PSEN1: variants seen among roughly 807,000 people sequenced by gnomAD.
PSEN1 encodes the protein presenilin 1, also known as presenilin-1.
In PSEN1, 15 loss-of-function variants were observed where a neutral mutation model predicts 53.5. The observed-to-expected ratio is 0.28, with a 90% CI of 0.19 to 0.43. PSEN1 has a LOEUF of 0.43. Ranked by LOEUF, PSEN1 falls within the 20% of genes least tolerant of loss-of-function variation. The pLI is 1.00. For synonymous variants in PSEN1, 208 were observed against 209.8 expected (o/e 0.99, Z 0.08); for missense variants, 387 against 571.2 (o/e 0.68, Z 3.29).
At chr14:73,203,982 A>T (rs1364430638) in intron 8 of PSEN1, among the ~76,000 whole-genome samples, 1 of 152,040 alleles carries the variant, frequency 6.6e-6, no homozygotes, top group African/African-American at 2.4e-5. Flanking sequence ...TAAAAAACAT[A>T]TTTTTTTGTA....
chr14:73,140,696 C>A (rs1374797708), intron 1 of PSEN1, among the ~76,000 whole-genome samples: 1 of 152,004 alleles, frequency 6.6e-6, no homozygotes, highest in South Asian at 2.1e-4. Flanking sequence ...TTTACAAAAT[C>A]CAAAAAAATC....
intron 9 of PSEN1, among the ~76,000 whole-genome samples, chr14:73,208,008 C>T (rs1392163592): frequency 1.3e-5 from 2 of 152,220 alleles, no homozygotes; most frequent in African/African-American, 4.8e-5. Context: ...GAAAGAATTG[C>T]CACAAGCCTG....
chr14:73,215,153 G>A (rs998392972), intron 10 of PSEN1, among the ~76,000 whole-genome samples: 5 of 151,740 alleles, frequency 3.3e-5, no homozygotes, highest in African/African-American at 1.2e-4. Flanking sequence ...TAGAGACAAG[G>A]TTTCACCATG....
intron 8 of PSEN1, among the ~76,000 whole-genome samples, chr14:73,198,512 G>A (rs929837585): frequency 2.4e-4 from 37 of 152,302 alleles, no homozygotes; most frequent in African/African-American, 7.7e-4. Flanking sequence ...GAGCAGAGCC[G>A]TGCCTTTGTA....
chr14:73,217,863 A>G (rs900534894), intron 11 of PSEN1, among the ~76,000 whole-genome samples: 1 of 141,648 alleles, frequency 7.1e-6, no homozygotes, highest in Admixed American at 7.6e-5. Flanking sequence ...ATCTCGGCTC[A>G]TTGCAACCTC....
At chr14:73,215,796 A>G (rs911054070) in intron 10 of PSEN1, among the ~76,000 whole-genome samples, 2 of 152,232 alleles carry the variant, frequency 1.3e-5, no homozygotes, top group Admixed American at 1.3e-4. Context: ...GGCTAACAAT[A>G]CCAAGAGCTG....
Position 73,136,518 on chromosome 14 carries a change from A to C in PSEN1, c.-201A>C, listed in dbSNP as rs1896745950. The C allele has an allele frequency of 6.5e-6, 1 of 153,102 alleles. No homozygotes were observed. Among genetic ancestry groups the C allele is most frequent in the Middle Eastern group, 3.4e-3 (1 of 294 alleles). The allele number at this position is 153,102 out of a possible 1,614,324, so 9.5% of individuals were successfully genotyped here. A position where few individuals can be genotyped will look rare whatever the true frequency, so the allele number is the denominator to read the frequency against. ...CGCGGTTTCACATCGGAAACAAAACAGCGGCTGGTCTGGAAGGAACCTGAG... is the reference window on the plus strand; with the variant it reads ...CGCGGTTTCACATCGGAAACAAAACCGCGGCTGGTCTGGAAGGAACCTGAG... On this transcript the variant is annotated 5_prime_UTR_variant, in exon 1 of 12. Coordinates refer to ENST00000324501, the MANE Select transcript of PSEN1 (RefSeq NM_000021.4).
At position 73,202,085 on chromosome 14, in the gene PSEN1, C is replaced by T. The variant is rs879310036; in HGVS notation, c.868+3956C>T. Among the ~76,000 whole-genome samples the T allele has an allele frequency of 5.9e-5, 9 of 151,966 alleles. No individual in the cohort carries two copies. The East Asian group carries it at 1.7e-3, about 29-fold the overall frequency. ...TTTTGAGGTAAGTCTTGCTCTGTTGCCCAGGCTGGAGTGCAGTGGCGCAAT... is the reference window on the plus strand; with the variant it reads ...TTTTGAGGTAAGTCTTGCTCTGTTGTCCAGGCTGGAGTGCAGTGGCGCAAT... On this transcript the variant is annotated intron_variant, in intron 8 of 11. Coordinates refer to ENST00000324501, the MANE Select transcript of PSEN1 (RefSeq NM_000021.4).
chr14:73,209,386 A>T (rs911229522), intron 9 of PSEN1, among the ~76,000 whole-genome samples: 1 of 152,256 alleles, frequency 6.6e-6, no homozygotes, highest in Non-Finnish European at 1.5e-5. Flanking sequence ...AAGAATTGCC[A>T]CAAGCCTGGC....
chr14:73,174,898 A>C (rs1040562632), intron 5 of PSEN1, among the ~76,000 whole-genome samples: 2 of 152,078 alleles, frequency 1.3e-5, no homozygotes, highest in African/African-American at 4.8e-5. Context: ...AAAGTGACCT[A>C]CTGCTGAGTT....
rs1449573794 is a variant in PSEN1 at position 73,211,949 on chromosome 14, G to A, written c.1129+7G>A. 2 of 1,613,508 alleles carry A rather than the reference G, an allele frequency of 1.2e-6. No individual in the cohort carries two copies. Among genetic ancestry groups the A allele is most frequent in the Non-Finnish European group, 1.7e-6 (2 of 1,179,770 alleles). ...GGTGAAGACCCAGAGGAAAGTATGT[G>A]CATTTCTCTATGTTGCAAAGTCATG... On this transcript the variant is annotated splice_region_variant and intron_variant, in intron 10 of 11. Coordinates refer to ENST00000324501, the MANE Select transcript of PSEN1 (RefSeq NM_000021.4).
At chr14:73,180,978 C>T (rs1898193784) in intron 5 of PSEN1, among the ~76,000 whole-genome samples, 1 of 151,924 alleles carries the variant, frequency 6.6e-6, no homozygotes, top group Non-Finnish European at 1.5e-5. Flanking sequence ...ATGATATATT[C>T]TAAAGAAGGA....
At chr14:73,165,787 GTGGCTCACGCC>G (rs1446725941) in intron 3 of PSEN1, among the ~76,000 whole-genome samples, 1 of 151,338 alleles carries the variant, frequency 6.6e-6, no homozygotes, top group Non-Finnish European at 1.5e-5. Flanking sequence ...GCCGGGCGCG[GTGGCTCACGCC>G]TGTAATCCCA....
chr14:73,216,919 A>T (rs1484865117), intron 10 of PSEN1, among the ~76,000 whole-genome samples: 4 of 152,220 alleles, frequency 2.6e-5, no homozygotes, highest in Admixed American at 6.5e-5. Flanking sequence ...TCTACAGTTA[A>T]GACTCCAGAG....
At chr14:73,186,498 C>T (rs926227401) in intron 5 of PSEN1, among the ~76,000 whole-genome samples, 3 of 152,046 alleles carry the variant, frequency 2.0e-5, no homozygotes, top group Non-Finnish European at 4.4e-5. Flanking sequence ...AGATGTGGGC[C>T]GGGCATAGTG....
intron 5 of PSEN1, among the ~76,000 whole-genome samples, chr14:73,182,154 T>G (rs1222968452): frequency 6.6e-6 from 1 of 152,160 alleles, no homozygotes; most frequent in African/African-American, 2.4e-5. Context: ...CTGTGTTTCT[T>G]AAGTGTTACA....
chr14:73,206,769 T>C (rs1023945759), intron 9 of PSEN1, among the ~76,000 whole-genome samples: 1 of 152,044 alleles, frequency 6.6e-6, no homozygotes, highest in Admixed American at 6.6e-5. Context: ...TTGTTTTTTA[T>C]AAGTCATGAT....
At chr14:73,196,413 CTATAT>C (rs150191750) in intron 7 of PSEN1, among the ~76,000 whole-genome samples, 5,774 of 146,018 alleles carry the variant, frequency 0.04, 203 homozygotes, top group African/African-American at 0.1. Flanking sequence ...TCTATATATA[CTATAT>C]TATATTGTAC....
At chr14:73,171,977 T>C (rs1341371781) in intron 4 of PSEN1, among the ~76,000 whole-genome samples, 8 of 152,218 alleles carry the variant, frequency 5.3e-5, no homozygotes, top group Admixed American at 5.2e-4. Context: ...TGCAAATATA[T>C]ATTTATTTAC....
Sources: gnomAD v4.1 joint callset for allele counts (sites outside exome capture counted in the v4.1 genomes callset) on GRCh38, gnomAD v4.1.1 for gene constraint, MANE v1.5 for transcripts, NCBI Gene and HGNC (gene_info 2026-07-23, HGNC 2026-07-21) for gene names.